The following MDGA2 variants were observed in gnomAD, a reference collection of about 807,000 sequenced individuals.
MDGA2 encodes MAM domain-containing glycosylphosphatidylinositol anchor protein 2.
Under a neutral mutation model 117.8 loss-of-function variants are expected in MDGA2, and 40 were observed. The ratio of observed to expected loss-of-function variants is 0.34; its 90% CI spans 0.26 to 0.44. MDGA2 has a LOEUF of 0.44. Ranked by LOEUF, MDGA2 falls within the 20% of genes least tolerant of loss-of-function variation. The pLI, the probability that MDGA2 is intolerant of heterozygous loss-of-function variation, is 1.00. For synonymous variants in MDGA2, 452 were observed against 439.0 expected, an observed-to-expected ratio of 1.03 and a Z score of -0.37; for missense variants, 1,123 against 1,250.6, an observed-to-expected ratio of 0.90 and a Z score of 1.54.
rs1880634398 is a variant in MDGA2 at position 46,841,994 on chromosome 14, A to G, written c.3015T>C (p.Ile1005=). ...TGGGAAAAAGCCATATATGAACCAA[A>G]ATCCCAACAGCACCATCAACGGAAT... ...TKNSVDGAVG[I]LVHIWLFPII... is the part of the protein sequence containing the mutation. The change falls in exon 17 of 17, where the codon ATT becomes ATC. Residue 1005 remains isoleucine, a synonymous_variant. Transcript: ENST00000399232. 1.2e-6 allele frequency: 2 copies of G among 1,612,402 alleles called. No individual in the cohort carries two copies. The highest frequency in any genetic ancestry group is 3.3e-5 in the Admixed American group (2 of 59,944).
intron 1 of MDGA2, among the ~76,000 whole-genome samples, chr14:47,383,820 C>T (rs12432938): frequency 0.041 from 6,245 of 152,132 alleles, 210 homozygotes; most frequent in Non-Finnish European, 0.06. Flanking sequence ...CCACCACACC[C>T]GGACGGTTCA....
At chr14:46,861,658 T>A (rs1881512810) in intron 14 of MDGA2, among the ~76,000 whole-genome samples, 1 of 151,940 alleles carries the variant, frequency 6.6e-6, no homozygotes, top group African/African-American at 2.4e-5. Context: ...CTGATTGAAA[T>A]AAATCTTTCA....
At chr14:47,584,510 C>A (rs868758565) in intron 1 of MDGA2, among the ~76,000 whole-genome samples, 1 of 151,668 alleles carries the variant, frequency 6.6e-6, no homozygotes, top group African/African-American at 2.4e-5. Context: ...TACAGATAAC[C>A]AAATTTCATA....
intron 11 of MDGA2, among the ~76,000 whole-genome samples, chr14:46,881,582 C>A (rs1595017621): frequency 1.3e-5 from 2 of 152,096 alleles, no homozygotes; most frequent in Admixed American, 6.6e-5. Flanking sequence ...AATGGGGATA[C>A]TGTGTCAGGG....
At chr14:47,243,346 G>T (rs373829214) in intron 2 of MDGA2, among the ~76,000 whole-genome samples, 1 of 151,698 alleles carries the variant, frequency 6.6e-6, no homozygotes, top group African/African-American at 2.4e-5. Context: ...CAGGATGTGG[G>T]TGGGGCCAGA....
At chr14:47,218,371 TA>T (rs1457029191) in intron 2 of MDGA2, among the ~76,000 whole-genome samples, 176 bp from the exon 3 acceptor site, 1 of 152,188 alleles carries the variant, frequency 6.6e-6, no homozygotes, top group African/African-American at 2.4e-5. Flanking sequence ...ATTTTTAATG[TA>T]ATGTCATCAT....
chr14:46,920,438 C>G (rs1167524189), intron 9 of MDGA2, among the ~76,000 whole-genome samples: 1 of 152,062 alleles, frequency 6.6e-6, no homozygotes, highest in Non-Finnish European at 1.5e-5. Flanking sequence ...AGGATGAAAT[C>G]TGGAGAAAGA....
chr14:47,235,108 T>C (rs1266128290), intron 2 of MDGA2, among the ~76,000 whole-genome samples: 1 of 152,172 alleles, frequency 6.6e-6, no homozygotes, highest in Non-Finnish European at 1.5e-5. Flanking sequence ...TTGCTTACTT[T>C]CCAAAGTTAA....
At chr14:47,188,131 G>A (rs985865973) in intron 3 of MDGA2, among the ~76,000 whole-genome samples, 3 of 152,020 alleles carry the variant, frequency 2.0e-5, no homozygotes, top group Non-Finnish European at 4.4e-5. Flanking sequence ...CACTATTTGT[G>A]AAAAGTAGCT....
intron 9 of MDGA2, among the ~76,000 whole-genome samples, chr14:46,925,765 CAAAG>C (rs1177202294): frequency 1.3e-5 from 2 of 151,524 alleles, no homozygotes; most frequent in Non-Finnish European, 2.9e-5. Flanking sequence ...CTACTGGGAC[CAAAG>C]AAAGGCTTCA....
intron 5 of MDGA2, among the ~76,000 whole-genome samples, chr14:47,106,310 T>A (rs911034941): frequency 2.6e-5 from 4 of 151,990 alleles, no homozygotes; most frequent in African/African-American, 9.7e-5. Context: ...GCCTTCAAGG[T>A]GTACCATAAT....
chr14:46,904,297 G>A (rs916730852), intron 10 of MDGA2, among the ~76,000 whole-genome samples: 6 of 148,856 alleles, frequency 4.0e-5, no homozygotes, highest in Admixed American at 1.4e-4. Flanking sequence ...GCAGAAACCC[G>A]AAAGGCAGAG....
chr14:47,242,699 T>G (rs985598737), intron 2 of MDGA2, among the ~76,000 whole-genome samples: 1 of 151,802 alleles, frequency 6.6e-6, no homozygotes, highest in Admixed American at 6.6e-5. Flanking sequence ...GCTCGGGACC[T>G]GCAGCCCGCC....
intron 9 of MDGA2, among the ~76,000 whole-genome samples, chr14:46,921,937 A>C (rs993176074): frequency 6.6e-6 from 1 of 152,108 alleles, no homozygotes; most frequent in Non-Finnish European, 1.5e-5. Context: ...TTTCTTTTCT[A>C]TGAGGACTGA....
intron 1 of MDGA2, among the ~76,000 whole-genome samples, chr14:47,365,641 A>G (rs1459189854): frequency 6.6e-6 from 1 of 152,192 alleles, no homozygotes; most frequent in Non-Finnish European, 1.5e-5. Context: ...TGAGGCATTC[A>G]GGTGTTCTAG....
intron 2 of MDGA2, among the ~76,000 whole-genome samples, chr14:47,239,536 C>A (rs545346392): frequency 6.6e-6 from 1 of 151,648 alleles, no homozygotes; most frequent in East Asian, 1.9e-4. Context: ...AAAACAGATA[C>A]CAGGCATACA....
At chr14:47,401,970 C>G (rs984897661) in intron 1 of MDGA2, among the ~76,000 whole-genome samples, 1 of 152,116 alleles carries the variant, frequency 6.6e-6, no homozygotes, top group African/African-American at 2.4e-5. Flanking sequence ...GGCTTTAGGA[C>G]ATGGGATCTA....
intron 1 of MDGA2, among the ~76,000 whole-genome samples, chr14:47,646,766 T>A (rs1897542831): frequency 1.3e-5 from 2 of 152,234 alleles, no homozygotes; most frequent in African/African-American, 2.4e-5. Flanking sequence ...AGATGACAAT[T>A]TAATTTTAGG....
intron 6 of MDGA2, among the ~76,000 whole-genome samples, chr14:47,088,777 T>C (rs976728133): frequency 5.3e-5 from 8 of 152,204 alleles, no homozygotes; most frequent in African/African-American, 1.9e-4. Flanking sequence ...TTTTGTATCT[T>C]TGTCTTTAGT....
Sources: gnomAD v4.1 joint callset for allele counts (sites outside exome capture counted in the v4.1 genomes callset) on GRCh38, gnomAD v4.1.1 for gene constraint, MANE v1.5 for transcripts, NCBI Gene and HGNC (gene_info 2026-07-23, HGNC 2026-07-21) for gene names.